The following EIF2D variants were observed in gnomAD, a reference collection of about 807,000 sequenced individuals.
EIF2D encodes hepatocellular carcinoma-associated antigen 56.
In EIF2D, 56 loss-of-function variants were observed where a neutral mutation model predicts 77.4. The observed-to-expected ratio is 0.72, with a 90% CI of 0.58 to 0.90. EIF2D has a LOEUF of 0.90. Ranked by LOEUF, EIF2D falls within the 40% of genes least tolerant of loss-of-function variation. The pLI is 0.00. For missense variants in EIF2D, 574 were observed against 706.5 expected, an observed-to-expected ratio of 0.81 and a Z score of 2.13; for synonymous variants, 230 against 271.0, an observed-to-expected ratio of 0.85 and a Z score of 1.49.
intron 2 of EIF2D, chr1:206,583,501 C>A: frequency 1.4e-6 from 1 of 693,842 alleles, no homozygotes; most frequent in South Asian, 1.6e-5. Flanking sequence ...TTCCTCCGGC[C>A]TCCAGAGGCC....
chr1:206,578,222 CA>C (rs79362621), intron 4 of EIF2D, among the ~76,000 whole-genome samples: 12,633 of 137,130 alleles, frequency 0.092, 629 homozygotes, highest in African/African-American at 0.14. Flanking sequence ...GGAGACATCT[CA>C]AAAAAAAAAA....
chr1:206,603,299 A>G, intron 5 of EIF2D, 95 bp from the exon 6 acceptor site: 1 of 1,516,592 alleles, frequency 6.6e-7, no homozygotes. Flanking sequence ...GAGACAGCAG[A>G]GAGCCAACAG....
intron 4 of EIF2D, among the ~76,000 whole-genome samples, chr1:206,608,014 G>A (rs1382972484): frequency 6.6e-6 from 1 of 151,892 alleles, no homozygotes; most frequent in African/African-American, 2.4e-5. Flanking sequence ...ATGCTAAGTT[G>A]AAAGAAAACA....
At chr1:206,573,691 C>T (rs1553404610) in intron 4 of EIF2D, among the ~76,000 whole-genome samples, 1 of 152,160 alleles carries the variant, frequency 6.6e-6, no homozygotes, top group Non-Finnish European at 1.5e-5. Flanking sequence ...GAAGAAGACC[C>T]GAGATGGATG....
Position 206,612,301 on chromosome 1 carries a change from G to C in EIF2D, c.42C>G (p.Ile14Met). The change falls in exon 1 of 15, where the codon ATC (isoleucine) becomes ATG (methionine). Residue 14 changes from isoleucine to methionine, a missense_variant. Ile to Met is a conservative substitution (Grantham distance 10). Coordinates refer to ENST00000271764, the MANE Select transcript of EIF2D (RefSeq NM_006893.3). ...TCCTCCCTCACCTGTCCGACCCCTT[G>C]ATGGCCGTGTTGGACTTGACCCGAA... ...KAFRVKSNTA[I>M]KGSDRRKLRA... The C allele has an allele frequency of 6.2e-7, 1 of 1,614,264 alleles. No individual in the cohort carries two copies. The highest frequency in any genetic ancestry group is 1.1e-5 in the South Asian group (1 of 91,090).
chr1:206,608,298 G>A lies in EIF2D; in HGVS notation c.360C>T (p.Pro120=). Residue 120 remains proline, a synonymous_variant, in exon 4 of 15, where the codon CCC becomes CCT. Transcript: ENST00000271764. ...TCTGTACCTGAGGCAGACCAGCAGG[G>A]GGCATCACCAGTCCAGGCAGCATCA... ...ADLMLPGLVM[P]PAGLPQVQKG... The A allele has an allele frequency of 1.2e-6, 2 of 1,613,106 alleles. No homozygotes were observed. The highest frequency in any genetic ancestry group is 1.7e-6 in the Non-Finnish European group (2 of 1,179,466).
At chr1:206,602,315 C>T in intron 7 of EIF2D, 21 bp downstream of exon 7, 1 of 1,606,978 alleles carries the variant, frequency 6.2e-7, no homozygotes. Context: ...GGCCTCCAGC[C>T]CACATCAGTG....
intron 3 of EIF2D, 121 bp from the exon 4 acceptor site, chr1:206,608,447 A>G: frequency 1.3e-6 from 1 of 744,684 alleles, no homozygotes; most frequent in East Asian, 3.1e-5. Context: ...TATGTTTTTC[A>G]TAATAAAAAT....
intron 11 of EIF2D, among the ~76,000 whole-genome samples, chr1:206,597,843 G>A (rs1406710722): frequency 6.6e-6 from 1 of 152,144 alleles, no homozygotes; most frequent in Non-Finnish European, 1.5e-5. Context: ...TACTTGGGAG[G>A]CTGAGGCAGG....
rs1334124002 is a variant in EIF2D at position 206,599,298 on chromosome 1, C to T, written c.1202+165G>A. On this transcript the variant is annotated intron_variant, in intron 10 of 14. Coordinates refer to ENST00000271764, the MANE Select transcript of EIF2D (RefSeq NM_006893.3). The surrounding 1 kb of genome is among the most constrained non-coding windows in gnomAD (Gnocchi z 4.1). ...GTGAGACCTACTCGTTCATTTAGTC[C>T]AGAGGAACTTGCCCAGGGAAGAAGG... is the stretch of plus-strand genomic sequence containing the variant. Among the ~76,000 whole-genome samples, 1 of 152,134 alleles carries T rather than the reference C, an allele frequency of 6.6e-6. No individual in the cohort carries two copies. The highest frequency in any genetic ancestry group is 1.5e-5 in the Non-Finnish European group (1 of 68,024).
chr1:206,574,962 C>G (rs895090723), intron 4 of EIF2D, among the ~76,000 whole-genome samples: 1 of 149,502 alleles, frequency 6.7e-6, no homozygotes, highest in South Asian at 2.1e-4. Flanking sequence ...CAGGTTCAAG[C>G]GATTCTTCCG....
chr1:206,605,248 T>A (rs570560199), intron 5 of EIF2D, 152 bp downstream of exon 5: 8 of 522,016 alleles, frequency 1.5e-5, no homozygotes, highest in South Asian at 1.3e-4. Flanking sequence ...GAAAAAAATA[T>A]TTTCTTTATA....
At chr1:206,577,049 G>A (rs968938892) in intron 4 of EIF2D, among the ~76,000 whole-genome samples, 1 of 151,390 alleles carries the variant, frequency 6.6e-6, no homozygotes, top group Non-Finnish European at 1.5e-5. Flanking sequence ...GGGCTCAAGC[G>A]ATCATCCTGC....
chr1:206,591,157 G>C (rs1015090961), downstream of EIF2D, among the ~76,000 whole-genome samples: 1 of 152,182 alleles, frequency 6.6e-6, no homozygotes, highest in Admixed American at 6.5e-5. Context: ...TAACAAAGCT[G>C]TCATCTTGGA....
intron 4 of EIF2D, among the ~76,000 whole-genome samples, chr1:206,576,572 AAG>A (rs1279301598): frequency 6.6e-6 from 1 of 152,240 alleles, no homozygotes; most frequent in African/African-American, 2.4e-5. Flanking sequence ...ATTCAGGAGA[AAG>A]AGAGACCAGG....
intron 2 of EIF2D, 58 bp from the exon 3 acceptor site, chr1:206,609,517 TG>T (rs1670368821): frequency 7.2e-7 from 1 of 1,384,862 alleles, no homozygotes; most frequent in African/African-American, 1.4e-5. Flanking sequence ...TCTAGAGAAA[TG>T]GAAAAACCTA....
chr1:206,575,014 A>C (rs985730435), intron 4 of EIF2D, among the ~76,000 whole-genome samples: 1 of 138,400 alleles, frequency 7.2e-6, no homozygotes, highest in Non-Finnish European at 1.6e-5. Flanking sequence ...CGCACGGATA[A>C]TTTTTTTGTT....
At chr1:206,608,025 G>A (rs1670281829) in intron 4 of EIF2D, among the ~76,000 whole-genome samples, 1 of 152,108 alleles carries the variant, frequency 6.6e-6, no homozygotes. Flanking sequence ...AAAGAAAACA[G>A]AGCAGCAACA....
chr1:206,590,662 C>T (rs534607280), downstream of EIF2D, among the ~76,000 whole-genome samples: 13 of 152,238 alleles, frequency 8.5e-5, no homozygotes, highest in South Asian at 1.5e-3. Flanking sequence ...TGATAACAGA[C>T]GGTAGGAGGC....
Sources: allele counts gnomAD v4.1 joint callset (sites outside exome capture counted in the v4.1 genomes callset), GRCh38; gene constraint gnomAD v4.1.1; non-coding constraint Gnocchi (gnomAD v3.1); transcripts MANE v1.5; gene names NCBI Gene and HGNC (gene_info 2026-07-23, HGNC 2026-07-21).